SH3D19: variants seen among roughly 807,000 people sequenced by gnomAD.
The protein encoded by SH3D19 is SH3 domain containing 19.
A neutral mutation model predicts 112.1 loss-of-function variants in SH3D19; 58 were observed. That is an observed-to-expected ratio of 0.52 (90% confidence interval 0.42 to 0.64). SH3D19 has a LOEUF of 0.64. SH3D19 is among the 30% of genes least tolerant of loss of function. The pLI is 0.00. For missense variants in SH3D19, 1,090 were observed against 1,263.4 expected (o/e 0.86, Z 2.08); for synonymous variants, 391 against 448.5 (o/e 0.87, Z 1.62).
intron 2 of SH3D19, among the ~76,000 whole-genome samples, chr4:151,212,163 T>C (rs914556128): frequency 1.3e-5 from 2 of 152,356 alleles, no homozygotes; most frequent in Middle Eastern, 3.4e-3. Context: ...ATAATTTTTT[T>C]ATTTTTTAGT....
chr4:151,267,507 TTTTA>T (rs1212197735), intron 1 of SH3D19, among the ~76,000 whole-genome samples: 1 of 152,246 alleles, frequency 6.6e-6, no homozygotes, highest in Non-Finnish European at 1.5e-5. Flanking sequence ...TGAACATAGC[TTTTA>T]TTTTTCCTTC....
chr4:151,279,726 G>T, intron 1 of SH3D19: 2 of 1,447,878 alleles, frequency 1.4e-6, no homozygotes. Flanking sequence ...GTTTGGGAAT[G>T]ATGATAAGGT....
At chr4:151,221,709 G>C (rs527542588) in intron 2 of SH3D19, among the ~76,000 whole-genome samples, 1 of 152,144 alleles carries the variant, frequency 6.6e-6, no homozygotes, top group Non-Finnish European at 1.5e-5. Flanking sequence ...TAAGTGTCAG[G>C]GTTACCAAGA....
intron 6 of SH3D19, among the ~76,000 whole-genome samples, chr4:151,176,313 A>G (rs2149829372): frequency 6.6e-6 from 1 of 152,298 alleles, no homozygotes; most frequent in Admixed American, 6.5e-5. Context: ...TGTGATATAA[A>G]CTAGGGTAAG....
At chr4:151,182,541 G>A (rs536680093) in intron 3 of SH3D19, among the ~76,000 whole-genome samples, 1 of 152,280 alleles carries the variant, frequency 6.6e-6, no homozygotes, top group Non-Finnish European at 1.5e-5. Context: ...GCAGTCGTAC[G>A]TACAGATGTC....
At chr4:151,203,675 T>C (rs1342287734) in intron 2 of SH3D19, among the ~76,000 whole-genome samples, 2 of 152,238 alleles carry the variant, frequency 1.3e-5, no homozygotes, top group East Asian at 1.9e-4. Flanking sequence ...TTTCAAATAA[T>C]AACTTTAATC....
At chr4:151,182,583 C>T (rs1394193928) in intron 3 of SH3D19, among the ~76,000 whole-genome samples, 1 of 152,162 alleles carries the variant, frequency 6.6e-6, no homozygotes, top group Non-Finnish European at 1.5e-5. Flanking sequence ...TCACTGCTTT[C>T]CCCTCTCCTT....
At chr4:151,203,247 G>C (rs1170837112) in intron 2 of SH3D19, among the ~76,000 whole-genome samples, 1 of 152,168 alleles carries the variant, frequency 6.6e-6, no homozygotes, top group Non-Finnish European at 1.5e-5. Context: ...TTCCCAGGAA[G>C]AGTCAGCTGA....
chr4:151,225,984 T>C, intron 2 of SH3D19, 63 bp downstream of exon 2: 2 of 1,135,416 alleles, frequency 1.8e-6, no homozygotes, highest in Non-Finnish European at 2.2e-6. Context: ...TTACATTGCT[T>C]CCAAACAATA....
intron 1 of SH3D19, among the ~76,000 whole-genome samples, chr4:151,298,020 G>A (rs945661549): frequency 2.0e-5 from 3 of 152,048 alleles, no homozygotes; most frequent in African/African-American, 7.2e-5. Context: ...AGAGCAAGGG[G>A]CCATGAGCCA....
chr4:151,194,657 C>A (rs1258999031), intron 2 of SH3D19, among the ~76,000 whole-genome samples: 1 of 150,922 alleles, frequency 6.6e-6, no homozygotes, highest in Non-Finnish European at 1.5e-5. Flanking sequence ...CTCAGGTGAT[C>A]TGCCTACCTC....
At chr4:151,237,455 A>C (rs1185447526) in intron 1 of SH3D19, among the ~76,000 whole-genome samples, 2 of 152,186 alleles carry the variant, frequency 1.3e-5, no homozygotes, top group Admixed American at 1.3e-4. Context: ...GTGTGCCTGC[A>C]GTGGAAAATC....
chr4:151,213,972 G>A (rs546170948), intron 2 of SH3D19, among the ~76,000 whole-genome samples: 1 of 151,092 alleles, frequency 6.6e-6, no homozygotes, highest in East Asian at 2.0e-4. Flanking sequence ...AGATAAACAA[G>A]TGAACAAAGG....
At chr4:151,163,771 C>T (rs1262512719) in intron 8 of SH3D19, among the ~76,000 whole-genome samples, 4 of 151,622 alleles carry the variant, frequency 2.6e-5, no homozygotes, top group African/African-American at 4.8e-5. Flanking sequence ...TTGATAGAGA[C>T]GGGGTTTCAC....
At chr4:151,186,521 C>T (rs1164527505) in intron 3 of SH3D19, among the ~76,000 whole-genome samples, 4 of 152,132 alleles carry the variant, frequency 2.6e-5, no homozygotes, top group Non-Finnish European at 5.9e-5. Context: ...GCAACCTCCA[C>T]CTCCTGGGTT....
intron 8 of SH3D19, among the ~76,000 whole-genome samples, chr4:151,163,345 C>T (rs535932403): frequency 2.4e-4 from 36 of 152,232 alleles, no homozygotes; most frequent in Non-Finnish European, 4.1e-4. Context: ...GGGACAATGA[C>T]ACAACAGATG....
chr4:151,228,752 T>C (rs1769342650), intron 1 of SH3D19, among the ~76,000 whole-genome samples: 3 of 152,228 alleles, frequency 2.0e-5, no homozygotes. Flanking sequence ...AACAGATCTA[T>C]AGCAAACATG....
intron 2 of SH3D19, among the ~76,000 whole-genome samples, chr4:151,213,377 G>A (rs532173233): frequency 1.3e-5 from 2 of 152,310 alleles, no homozygotes; most frequent in East Asian, 3.9e-4. Context: ...AGGAGTGGTG[G>A]TTCATGCCTG....
chr4:151,301,020 T>C (rs1215156307), intron 1 of SH3D19, among the ~76,000 whole-genome samples: 3 of 152,192 alleles, frequency 2.0e-5, no homozygotes, highest in Admixed American at 1.3e-4. Context: ...ATATAGAACC[T>C]TGGCACAGAA....
Sources: gnomAD v4.1 joint callset for allele counts (sites outside exome capture counted in the v4.1 genomes callset) on GRCh38, gnomAD v4.1.1 for gene constraint, MANE v1.5 for transcripts, NCBI Gene and HGNC (gene_info 2026-07-23, HGNC 2026-07-21) for gene names.